The following DSC1 variants were observed in gnomAD, a reference collection of about 807,000 sequenced individuals.
DSC1 encodes desmocollin 1.
A neutral mutation model predicts 98.8 loss-of-function variants in DSC1; 79 were observed. The observed-to-expected ratio is 0.80, with a 90% CI of 0.67 to 0.96. DSC1 has a LOEUF of 0.96. DSC1 is among the 50% of genes least tolerant of loss of function. The pLI, the probability that DSC1 is intolerant of heterozygous loss-of-function variation, is 0.00. For synonymous variants in DSC1, 405 were observed against 372.1 expected (o/e 1.09, Z -1.02); for missense variants, 1,115 against 1,075.9 (o/e 1.04, Z -0.51).
At chr18:31,137,965 A>ATGTGTGTGTG (rs201493651) in intron 11 of DSC1, among the ~76,000 whole-genome samples, 39 of 141,628 alleles carry the variant, frequency 2.8e-4, no homozygotes, top group Non-Finnish European at 4.0e-4. Flanking sequence ...TCAGAGCAAA[A>ATGTGTGTGTG]TGTGTGTGTG....
rs1474896980 is a variant in DSC1, at chr18:31,162,511, A to G, written c.63+21T>C. 1.9e-6 allele frequency: 3 copies of G among 1,612,950 alleles called. No individual in the cohort carries two copies. In the Admixed American group the frequency reaches 5.0e-5, roughly 27 times the overall value. ...AGGTAGTAACATGCTTGAATTCCCT[A>G]ATCCTTTGGTTGTTACTCACCAGGA... On this transcript the variant is annotated intron_variant, in intron 1 of 15. Coordinates refer to ENST00000257198, the MANE Select transcript of DSC1 (RefSeq NM_024421.2).
At chr18:31,143,632 T>C (rs754185946) in intron 8 of DSC1, 25 bp downstream of exon 8, 2 of 1,483,140 alleles carry the variant, frequency 1.3e-6, no homozygotes, top group Admixed American at 2.4e-5. Flanking sequence ...TAAATCTAGA[T>C]GAATGAATAG....
At chr18:31,154,724 T>C in intron 5 of DSC1, 50 bp downstream of exon 5, 1 of 1,430,972 alleles carries the variant, frequency 7.0e-7, no homozygotes, top group Non-Finnish European at 9.4e-7. Context: ...AAAATATTAG[T>C]AAGCCAGTAA....
chr18:31,130,903 T>A, intron 15 of DSC1, 192 bp from the exon 16 acceptor site: 1 of 1,448,910 alleles, frequency 6.9e-7, no homozygotes, highest in Non-Finnish European at 9.4e-7. Context: ...AGCAAATAAA[T>A]AAATGCTTCT....
At chr18:31,155,959 T>A in intron 4 of DSC1, 84 bp downstream of exon 4, 1 of 1,430,320 alleles carries the variant, frequency 7.0e-7, no homozygotes, top group Non-Finnish European at 9.6e-7. Flanking sequence ...AAACCTCTGA[T>A]TCAATATGCT....
chr18:31,137,133 A>C (rs911657076), intron 11 of DSC1, among the ~76,000 whole-genome samples: 79 of 152,068 alleles, frequency 5.2e-4, no homozygotes, highest in Middle Eastern at 6.8e-3. Context: ...ACTGTATTAT[A>C]AATCAGCCTA....
rs1989233184 is a variant in DSC1, at chr18:31,162,683, A to C, written c.-89T>G. 1.7e-6 allele frequency: 2 copies of C among 1,174,324 alleles called. No individual in the cohort carries two copies. Among genetic ancestry groups the C allele is most frequent in the East Asian group, 2.4e-5 (1 of 42,488 alleles). The allele number at this position is 1,174,324 out of a possible 1,614,324, so 72.7% of individuals were successfully genotyped here. ...CGGCTAAGAAGACGCTGGCACTTGC[A>C]CAGGGTATTCTGCTGCCACCTTGAT... On this transcript the variant is annotated 5_prime_UTR_variant, in exon 1 of 16. Transcript: ENST00000257198.
intron 4 of DSC1, 121 bp from the exon 5 acceptor site, chr18:31,155,050 T>C: frequency 1.7e-6 from 2 of 1,206,706 alleles, no homozygotes; most frequent in South Asian, 3.0e-5. Flanking sequence ...TCTTTCTTTC[T>C]TCTGCTTAGG....
intron 5 of DSC1, among the ~76,000 whole-genome samples, chr18:31,150,397 TATCACCACCACCAC>T (rs138344106): frequency 5.6e-5 from 1 of 17,922 alleles, no homozygotes; most frequent in Admixed American, 7.2e-4. Flanking sequence ...TCACCACCAT[TATCACCACCACCAC>T]ATCATCACTG....
At chr18:31,162,443 C>G in intron 1 of DSC1, 89 bp downstream of exon 1, 1 of 1,245,634 alleles carries the variant, frequency 8.0e-7, no homozygotes, top group Non-Finnish European at 1.2e-6. Flanking sequence ...GCCTCCCATC[C>G]TCACTCCTAG....
intron 13 of DSC1, 76 bp downstream of exon 13, chr18:31,133,815 A>G (rs1324183208): frequency 2.8e-6 from 4 of 1,438,820 alleles, no homozygotes; most frequent in Non-Finnish European, 2.8e-6. Context: ...ATTAATATAA[A>G]AAACTTCCAT....
rs758140282 is a variant in DSC1 at position 31,157,554 on chromosome 18, G to C, written c.168C>G (p.Leu56=). ...TGGACCGGATTAGGCTGGCCGACTTGAGACACTCCTCCAGATTCACTGCAG... is the reference window on the plus strand; with the variant it reads ...TGGACCGGATTAGGCTGGCCGACTTCAGACACTCCTCCAGATTCACTGCAG... ...LVGKVNLEEC[L]KSASLIRSSD... The change falls in exon 3 of 16, where the codon CTC becomes CTG. Residue 56 remains leucine, a synonymous_variant. Coordinates refer to ENST00000257198, the MANE Select transcript of DSC1 (RefSeq NM_024421.2). The C allele has an allele frequency of 2.5e-6, 4 of 1,614,190 alleles. No individual in the cohort carries two copies. The highest frequency in any genetic ancestry group is 3.4e-6 in the Non-Finnish European group (4 of 1,180,022).
intron 1 of DSC1, 30 bp from the exon 2 acceptor site, chr18:31,159,559 G>C: frequency 6.5e-7 from 1 of 1,532,044 alleles, no homozygotes; most frequent in Non-Finnish European, 8.8e-7. Flanking sequence ...AAAATATCAG[G>C]AATTAAATTT....
chr18:31,136,367 C>G (rs956293082), intron 11 of DSC1, among the ~76,000 whole-genome samples: 2 of 151,972 alleles, frequency 1.3e-5, no homozygotes, highest in Non-Finnish European at 2.9e-5. Context: ...ATAGAAAAAT[C>G]GTAAGAAAAC....
intron 5 of DSC1, 48 bp downstream of exon 5, chr18:31,154,726 A>G (rs760429193): frequency 1.9e-5 from 28 of 1,438,218 alleles, no homozygotes; most frequent in Non-Finnish European, 2.6e-5. Flanking sequence ...AATATTAGTA[A>G]GCCAGTAATA....
In DSC1 at chr18:31,131,590, T is replaced by G. The variant is rs1270903841; in HGVS notation, c.2487+4A>C. 1 of 1,614,006 alleles carries G rather than the reference T, an allele frequency of 6.2e-7. No individual in the cohort carries two copies. The highest frequency in any genetic ancestry group is 1.1e-5 in the South Asian group (1 of 91,074). On this transcript the variant is annotated splice_donor_region_variant and intron_variant, in intron 15 of 15. Transcript: ENST00000257198. ...AATATGACCTCAAAGACAGTGGAAC[T>G]TACTTCGCCAAGCCGAGGTTGGGTG...
At position 31,159,490 on chromosome 18, in the gene DSC1, G is replaced by C; in HGVS notation, c.103C>G (p.Leu35Val). Residue 35 changes from leucine to valine, a missense_variant, in exon 2 of 16, where the codon CTT (leucine) becomes GTT (valine). Coordinates refer to ENST00000257198, the MANE Select transcript of DSC1 (RefSeq NM_024421.2). Reference sequence around the variant, plus strand: ...GCCTGAAGATGAGAAGGAACTCGAAGATAAACTTTCTGACAAGCATCGCAA... The same window carrying C: ...GCCTGAAGATGAGAAGGAACTCGAACATAAACTTTCTGACAAGCATCGCAA... The part of the protein sequence containing the change: ...LLCDACQKVY[L>V]RVPSHLQAET... The C allele has an allele frequency of 2.5e-6, 4 of 1,600,504 alleles. No individual in the cohort carries two copies. The highest frequency in any genetic ancestry group is 3.4e-6 in the Non-Finnish European group (4 of 1,175,468).
rs777301780 is a variant in DSC1 at position 31,145,755 on chromosome 18, G to T, written c.795C>A (p.Thr265=). 6 of 1,612,452 alleles carry T rather than the reference G, an allele frequency of 3.7e-6. No individual in the cohort carries two copies. The highest frequency in any genetic ancestry group is 2.7e-5 in the African/African-American group (2 of 74,780). Residue 265 remains threonine (T), a synonymous_variant, in exon 7 of 16, where the codon ACC becomes ACA. Coordinates refer to ENST00000257198, the MANE Select transcript of DSC1 (RefSeq NM_024421.2). ...CRSGTSVGKV[T]ATDLDEPDTL... is the part of the protein sequence containing the mutation. ...TGTCAGGTTCGTCAAGGTCTGTGGC[G>T]GTCACTTTTCCCACTGAAGTTCCTG...
intron 6 of DSC1, 52 bp from the exon 7 acceptor site, chr18:31,145,829 T>G: frequency 6.4e-7 from 1 of 1,556,062 alleles, no homozygotes; most frequent in Non-Finnish European, 8.7e-7. Context: ...ATAATTGAAT[T>G]ATAAACAAAA....
Sources: gnomAD v4.1 joint callset for allele counts (sites outside exome capture counted in the v4.1 genomes callset) on GRCh38, gnomAD v4.1.1 for gene constraint, MANE v1.5 for transcripts, NCBI Gene and HGNC (gene_info 2026-07-23, HGNC 2026-07-21) for gene names.